Variants in TBCD observed in about 807,000 individuals in gnomAD.
The protein encoded by TBCD is tubulin-specific chaperone D.
A neutral mutation model predicts 169.3 loss-of-function variants in TBCD; 105 were observed. The observed-to-expected ratio is 0.62, with a 90% confidence interval of 0.53 to 0.73. The LOEUF is 0.73. TBCD is among the 30% of genes least tolerant of loss of function. The pLI, the probability that TBCD is intolerant of heterozygous loss-of-function variation, is 0.00. For missense variants in TBCD, 1,444 were observed against 1,600.1 expected (o/e 0.90, Z 1.66); for synonymous variants, 700 against 643.9 (o/e 1.09, Z -1.32).
intron 9 of TBCD, among the ~76,000 whole-genome samples, chr17:82,803,827 G>A (rs997111374): frequency 3.9e-5 from 6 of 152,054 alleles, no homozygotes; most frequent in Admixed American, 2.0e-4. Flanking sequence ...GCGCTTGCGT[G>A]AGGAGAATGG....
rs2062747427 is a variant in TBCD, at chr17:82,937,670, G to GAGA, written c.3281+310_3281+311insAGA. On this transcript the variant is annotated intron_variant, in intron 35 of 38. Transcript: ENST00000355528. ...GGCTGCCTCCCCGATTCTCCTGTGT[G>GAGA]CCCTGGGGGTCGCTGTTGAGTGCCT... The GAGA allele has an allele frequency of 9.8e-6, 6 of 610,850 alleles. No individual in the cohort carries two copies. The East Asian group carries it at 1.4e-4, about 14-fold the overall frequency. 37.8% of individuals were successfully genotyped at this position (610,850 alleles called of 1,614,324 possible).
chr17:82,793,193 C>G (rs1217081332), intron 7 of TBCD, among the ~76,000 whole-genome samples: 1 of 152,216 alleles, frequency 6.6e-6, no homozygotes, highest in East Asian at 1.9e-4. Flanking sequence ...ACCAATCCAG[C>G]AATGAAAGTT....
At chr17:82,759,884 G>GT (rs200933847) in intron 2 of TBCD, among the ~76,000 whole-genome samples, 77 of 121,146 alleles carry the variant, frequency 6.4e-4, no homozygotes, top group African/African-American at 2.5e-3. Context: ...CATTTCGTTT[G>GT]TTTGTTTTTT....
intron 13 of TBCD, among the ~76,000 whole-genome samples, chr17:82,846,438 C>T (rs9912486): frequency 0.41 from 60,551 of 147,034 alleles, 13,061 homozygotes; most frequent in East Asian, 0.57. Flanking sequence ...CCATTGTTTC[C>T]CCTTCCCCTT....
rs114746515 is a variant in TBCD at position 82,890,451 on chromosome 17, C to G, written c.1563+754C>G. On this transcript the variant is annotated intron_variant, in intron 16 of 38. Transcript: ENST00000355528. This position sits in a 1 kb window ranked among gnomAD's most constrained non-coding sequence, Gnocchi z 5.3. ...GTGGTGTGGGGCGGCATGGGGTGGACGTGGGCCTGCGGACCCTTCTGACCT... is the reference window on the plus strand; with the variant it reads ...GTGGTGTGGGGCGGCATGGGGTGGAGGTGGGCCTGCGGACCCTTCTGACCT... Among the ~76,000 whole-genome samples, 1 of 152,086 alleles carries G rather than the reference C, an allele frequency of 6.6e-6. No individual in the cohort carries two copies. Among genetic ancestry groups the G allele is most frequent in the Non-Finnish European group, 1.5e-5 (1 of 68,016 alleles).
chr17:82,807,699 G>A (rs1192272470), intron 11 of TBCD, 31 bp downstream of exon 11: 3 of 1,433,908 alleles, frequency 2.1e-6, no homozygotes, highest in South Asian at 1.5e-5. Flanking sequence ...AAGCACCCCG[G>A]GGGGTGGGCC....
chr17:82,828,688 G>C (rs1209488330), intron 13 of TBCD, among the ~76,000 whole-genome samples: 1 of 149,870 alleles, frequency 6.7e-6, no homozygotes, highest in Admixed American at 6.6e-5. Flanking sequence ...AGAATCGAGT[G>C]TGCACACACC....
intron 17 of TBCD, among the ~76,000 whole-genome samples, chr17:82,897,562 A>G (rs2059576582): frequency 6.6e-6 from 1 of 150,992 alleles, no homozygotes; most frequent in Non-Finnish European, 1.5e-5. Flanking sequence ...CATCTACTTT[A>G]TTACATATAG....
At chr17:82,918,267 T>A (rs1302275261) in intron 23 of TBCD, 1 of 149,272 alleles carries the variant, frequency 6.7e-6, no homozygotes, top group Non-Finnish European at 1.5e-5. Context: ...CTGTGTAGAT[T>A]TCTGTAACTA....
chr17:82,942,573 A>C lies in TBCD; in HGVS notation c.*110A>C. ...GTGGTGCCTCCAGCTGTTGAAGGGT[A>C]GCGCTGGCCCTTGGAGGCTGGCACT... is the stretch of plus-strand genomic sequence containing the variant. On this transcript the variant is annotated 3_prime_UTR_variant, in exon 39 of 39. Transcript: ENST00000355528. The C allele has an allele frequency of 6.7e-7, 1 of 1,491,342 alleles. No homozygotes were observed. The allele number at this position is 1,491,342 out of a possible 1,614,324, so 92.4% of individuals were successfully genotyped here. A position where few individuals can be genotyped will look rare whatever the true frequency, so the allele number is the denominator to read the frequency against.
chr17:82,877,609 G>T (rs879448517), intron 14 of TBCD, among the ~76,000 whole-genome samples: 1 of 152,132 alleles, frequency 6.6e-6, no homozygotes, highest in African/African-American at 2.4e-5. Context: ...CAAAGTGCTG[G>T]GATTACAGGC....
intron 14 of TBCD, among the ~76,000 whole-genome samples, chr17:82,883,011 C>T (rs116256740): frequency 1.4e-3 from 212 of 152,216 alleles, no homozygotes; most frequent in African/African-American, 4.3e-3. Flanking sequence ...GCTCTCTCTG[C>T]AGTGGGACCT....
At chr17:82,819,182 A>G (rs776070374) in intron 13 of TBCD, among the ~76,000 whole-genome samples, 1 of 152,252 alleles carries the variant, frequency 6.6e-6, no homozygotes, top group Admixed American at 6.5e-5. Context: ...GTGGAGCTTC[A>G]TTGGTGCATG....
intron 3 of TBCD, among the ~76,000 whole-genome samples, chr17:82,764,556 A>T (rs999422998): frequency 2.0e-5 from 3 of 152,114 alleles, no homozygotes; most frequent in Non-Finnish European, 2.9e-5. Flanking sequence ...GAGGCGGGAG[A>T]ATGGCTTGAA....
chr17:82,919,677 C>T (rs1551625), intron 23 of TBCD, among the ~76,000 whole-genome samples: 51,795 of 151,618 alleles, frequency 0.34, 9,743 homozygotes, highest in African/African-American at 0.51. Context: ...CAGTCGGCTG[C>T]GGTTGGCACT....
Position 82,924,944 on chromosome 17 carries a change from C to T in TBCD, c.2266C>T (p.Leu756=). 6 of 1,561,174 alleles carry T rather than the reference C, an allele frequency of 3.8e-6. No homozygotes were observed. The highest frequency in any genetic ancestry group is 5.2e-6 in the Non-Finnish European group (6 of 1,151,698). The change falls in exon 27 of 39, where the codon CTG becomes TTG. Residue 756 remains leucine, a synonymous_variant. Transcript: ENST00000355528. ...CACTCGTTGCTTCCTTTCAGAGGAG[C>T]TGATCACGCAGTACCTGGCTGAGCT... ...GEADPAIQEE[L]ITQYLAELRN...
At chr17:82,906,626 A>G (rs945587438) in intron 20 of TBCD, among the ~76,000 whole-genome samples, 1 of 152,246 alleles carries the variant, frequency 6.6e-6, no homozygotes, top group Non-Finnish European at 1.5e-5. Flanking sequence ...CCTCAAGAGT[A>G]AGAACTCCCG....
chr17:82,899,988 C>G (rs774975764), intron 17 of TBCD, among the ~76,000 whole-genome samples: 1 of 152,054 alleles, frequency 6.6e-6, no homozygotes, highest in African/African-American at 2.4e-5. Context: ...TGTTACAAGT[C>G]GGTTTGCCTT....
At chr17:82,843,573 TACTTACCCTTCCCTTCCCCTCCCC>T (rs1315772581) in intron 13 of TBCD, among the ~76,000 whole-genome samples, 4 of 146,058 alleles carry the variant, frequency 2.7e-5, no homozygotes, top group Admixed American at 6.8e-5. Flanking sequence ...CCGTCCAGCT[TACTTACCCTTCCCTTCCCCTCCCC>T]GTCCAGCTTA....
Sources: allele counts gnomAD v4.1 joint callset (sites outside exome capture counted in the v4.1 genomes callset), GRCh38; gene constraint gnomAD v4.1.1; non-coding constraint Gnocchi (gnomAD v3.1); transcripts MANE v1.5; gene names NCBI Gene and HGNC (gene_info 2026-07-23, HGNC 2026-07-21).